The following SH2B3 variants were observed in gnomAD, a reference collection of about 807,000 sequenced individuals.
SH2B3 encodes the protein SH2B adaptor protein 3.
A neutral mutation model predicts 51.9 loss-of-function variants in SH2B3; 43 were observed. The observed-to-expected ratio is 0.83, with a 90% CI of 0.65 to 1.07. SH2B3 has a LOEUF of 1.07. Among genes scored for constraint, SH2B3 ranks in the 50% least tolerant of loss-of-function variants. The pLI, the probability that SH2B3 is intolerant of heterozygous loss-of-function variation, is 0.00. For synonymous variants in SH2B3, 396 were observed against 376.0 expected (o/e 1.05, Z -0.62); for missense variants, 952 against 834.3 (o/e 1.14, Z -1.74).
At chr12:111,434,347 C>G (rs1872690774) in intron 2 of SH2B3, among the ~76,000 whole-genome samples, 1 of 152,230 alleles carries the variant, frequency 6.6e-6, no homozygotes. Flanking sequence ...AACCACTGAT[C>G]TTTCTGTCCC....
At chr12:111,424,420 G>C (rs886068885) in intron 2 of SH2B3, among the ~76,000 whole-genome samples, 4 of 152,136 alleles carry the variant, frequency 2.6e-5, no homozygotes, top group Non-Finnish European at 5.9e-5. Context: ...ACTTCGGGCG[G>C]AGAGCCCAGG....
intron 2 of SH2B3, among the ~76,000 whole-genome samples, chr12:111,420,186 G>A (rs1871421332): frequency 6.6e-6 from 1 of 151,942 alleles, no homozygotes; most frequent in Admixed American, 6.6e-5. Flanking sequence ...TTTGTCCTTT[G>A]GCAAAACCCC....
chr12:111,445,333 GA>G (rs1873836935), intron 2 of SH2B3, among the ~76,000 whole-genome samples: 1 of 152,220 alleles, frequency 6.6e-6, no homozygotes, highest in Non-Finnish European at 1.5e-5. Flanking sequence ...TTGCAGACAG[GA>G]AATGAAGGCT....
At position 111,447,235 on chromosome 12, in the gene SH2B3, G is replaced by GCTAGGCCATTGTCTT; in HGVS notation, c.1021+19_1021+33dup. 1 of 1,604,522 alleles carries GCTAGGCCATTGTCTT rather than the reference G, an allele frequency of 6.2e-7. No individual in the cohort carries two copies. Among genetic ancestry groups the GCTAGGCCATTGTCTT allele is most frequent in the Non-Finnish European group, 8.5e-7 (1 of 1,171,296 alleles). ...CTTAACCAAGGTGGGTAAACCAATA[G>GCTAGGCCATTGTCTT]CTAGGCCATTGTCTTCTGGGTACGC... On this transcript the variant is annotated intron_variant, in intron 5 of 7. Coordinates refer to ENST00000341259, the MANE Select transcript of SH2B3 (RefSeq NM_005475.3).
intron 2 of SH2B3, chr12:111,434,978 C>T (rs946854025): frequency 1.3e-6 from 2 of 1,535,478 alleles, no homozygotes; most frequent in Non-Finnish European, 1.7e-6. Context: ...GCCCCTCCAC[C>T]CCAGAAGCCC....
rs1004665033 is a variant in SH2B3 at position 111,425,711 on chromosome 12, G to A, written c.732+6834G>A. On this transcript the variant is annotated intron_variant, in intron 2 of 7. Transcript: ENST00000341259. Reference sequence around the variant, plus strand: ...GCTGGGGCCACCTGCGGGTGGGAGTGGGTGCAAGGGACCCTCCAGGCTACC... The same window carrying A: ...GCTGGGGCCACCTGCGGGTGGGAGTAGGTGCAAGGGACCCTCCAGGCTACC... Among the ~76,000 whole-genome samples, 73 of 152,128 alleles carry A rather than the reference G, an allele frequency of 4.8e-4. 2 individuals are homozygous for A. The highest frequency in any genetic ancestry group is 3.7e-3 in the Admixed American group (56 of 15,284).
chr12:111,405,748 AGC>A (rs2135525866), upstream of SH2B3, among the ~76,000 whole-genome samples: 1 of 152,204 alleles, frequency 6.6e-6, no homozygotes, highest in Admixed American at 6.5e-5. This position sits in a 1 kb window ranked among gnomAD's most constrained non-coding sequence, Gnocchi z 5.4. Context: ...GCCGCGGACT[AGC>A]GGGATTGGTA....
At chr12:111,408,633 CG>C (rs1870431215) in intron 1 of SH2B3, among the ~76,000 whole-genome samples, 1 of 152,118 alleles carries the variant, frequency 6.6e-6, no homozygotes, top group South Asian at 2.1e-4. Flanking sequence ...GAGGGGAGAC[CG>C]GGTGCCCTCC....
In SH2B3 at chr12:111,448,277, T is replaced by G; in HGVS notation, c.1703T>G (p.Ile568Arg). 1.9e-6 allele frequency: 3 copies of G among 1,613,420 alleles called. No homozygotes were observed. Among genetic ancestry groups the G allele is most frequent in the Non-Finnish European group, 2.5e-6 (3 of 1,179,582 alleles). Residue 568 changes from isoleucine (I) to arginine (R), a missense_variant, in exon 8 of 8, where the codon ATA becomes AGA. Coordinates refer to ENST00000341259, the MANE Select transcript of SH2B3 (RefSeq NM_005475.3). Reference sequence around the variant, plus strand: ...TCCTCCCGGAGCCACCTGCGGGCCATAGACAATCAGTACACACCTCTCTGA... The same window carrying G: ...TCCTCCCGGAGCCACCTGCGGGCCAGAGACAATCAGTACACACCTCTCTGA... ...DSSSRSHLRA[I>R]DNQYTPL
In SH2B3 at chr12:111,438,929, C is replaced by G. The variant is rs1186495123; in HGVS notation, c.733-7824C>G. ...GAGGCCCAAGAGGCTGAGGAGGTAA[C>G]AAGGGTCTCTCAGATGAGGACCACA... On this transcript the variant is annotated intron_variant, in intron 2 of 7. Coordinates refer to ENST00000341259, the MANE Select transcript of SH2B3 (RefSeq NM_005475.3). The surrounding 1 kb of genome is among the most constrained non-coding windows in gnomAD (Gnocchi z 4.2). Among the ~76,000 whole-genome samples the G allele has an allele frequency of 1.3e-5, 2 of 152,154 alleles. No homozygotes were observed. The highest frequency in any genetic ancestry group is 4.8e-5 in the African/African-American group (2 of 41,426).
Position 111,449,327 on chromosome 12 carries a change from A to C in SH2B3, c.*1025A>C, listed in dbSNP as rs1231797719. The C allele has an allele frequency of 6.6e-6, 1 of 152,202 alleles. No homozygotes were observed. The highest frequency in any genetic ancestry group is 2.4e-5 in the African/African-American group (1 of 41,436). The allele number at this position is 152,202 out of a possible 1,614,324, so 9.4% of individuals were successfully genotyped here. A position where few individuals can be genotyped will look rare whatever the true frequency, so the allele number is the denominator to read the frequency against. On this transcript the variant is annotated 3_prime_UTR_variant, in exon 8 of 8. Coordinates refer to ENST00000341259, the MANE Select transcript of SH2B3 (RefSeq NM_005475.3). ...CAACAAGGCTGGCTTGGTGCCCTCC[A>C]AGCATCTAATGGCTTATTAAATTAT... is the stretch of plus-strand genomic sequence containing the variant.
In SH2B3 at chr12:111,450,466, G is replaced by A. The variant is rs1874476395; in HGVS notation, c.*2164G>A. On this transcript the variant is annotated 3_prime_UTR_variant, in exon 8 of 8. Transcript: ENST00000341259. ...CTGGTCCTCCCCTCCGCACAGGAAA[G>A]GTACCCAGTAGATAATGAACCAAAT... The A allele has an allele frequency of 6.6e-6, 1 of 152,192 alleles. No individual in the cohort carries two copies. Among genetic ancestry groups the A allele is most frequent in the Non-Finnish European group, 1.5e-5 (1 of 68,030 alleles). 9.4% of individuals were successfully genotyped at this position (152,192 alleles called of 1,614,324 possible).
intron 2 of SH2B3, among the ~76,000 whole-genome samples, chr12:111,427,025 G>A (rs1404713006): frequency 6.6e-6 from 1 of 152,094 alleles, no homozygotes; most frequent in Non-Finnish European, 1.5e-5. Flanking sequence ...AAATTGCACT[G>A]GTTGCCACAT....
chr12:111,418,292 C>G lies in SH2B3; in HGVS notation c.147C>G (p.Ala49=). 6.5e-7 allele frequency: 1 copy of G among 1,535,548 alleles called. No homozygotes were observed. The highest frequency in any genetic ancestry group is 8.7e-7 in the Non-Finnish European group (1 of 1,147,486). ...TGGCCCGCCAGTACTGGCTGTTCGCCCGGGAGCATCCGCAGCACGCGCCGC... is the reference window on the plus strand; with the variant it reads ...TGGCCCGCCAGTACTGGCTGTTCGCGCGGGAGCATCCGCAGCACGCGCCGC... ...RELARQYWLF[A]REHPQHAPLR... The change falls in exon 2 of 8, where the codon GCC becomes GCG. Residue 49 remains alanine, a synonymous_variant. Transcript: ENST00000341259. This position sits in a 1 kb window ranked among gnomAD's most constrained non-coding sequence, Gnocchi z 6.7.
chr12:111,444,624 G>A, intron 2 of SH2B3: 1 of 433,044 alleles, frequency 2.3e-6, no homozygotes, highest in Non-Finnish European at 3.1e-6. Flanking sequence ...TGAGAGGAGG[G>A]AACCTAAAGC....
rs1214100477 is a variant in SH2B3, at chr12:111,407,833, G to C, written c.-28+1556G>C. Reference sequence around the variant, plus strand: ...GCTCAGCAGGAAGTGGAGGAGGATAGTGAGGAGGGTCCTGGAGACTGTGCT... The same window carrying C: ...GCTCAGCAGGAAGTGGAGGAGGATACTGAGGAGGGTCCTGGAGACTGTGCT... On this transcript the variant is annotated intron_variant, in intron 1 of 7. Coordinates refer to ENST00000341259, the MANE Select transcript of SH2B3 (RefSeq NM_005475.3). This position sits in a 1 kb window ranked among gnomAD's most constrained non-coding sequence, Gnocchi z 4.3. Among the ~76,000 whole-genome samples, 1 of 152,202 alleles carries C rather than the reference G, an allele frequency of 6.6e-6. No homozygotes were observed. Among genetic ancestry groups the C allele is most frequent in the African/African-American group, 2.4e-5 (1 of 41,448 alleles).
Position 111,440,724 on chromosome 12 carries a change from C to T in SH2B3, c.733-6029C>T, listed in dbSNP as rs960729161. On this transcript the variant is annotated intron_variant, in intron 2 of 7. Coordinates refer to ENST00000341259, the MANE Select transcript of SH2B3 (RefSeq NM_005475.3). ...GAATATTCAGCAAACGCTACTGCTCCTTTCTCTGTGCTGGGCCAAGACCGA... is the reference window on the plus strand; with the variant it reads ...GAATATTCAGCAAACGCTACTGCTCTTTTCTCTGTGCTGGGCCAAGACCGA... Among the ~76,000 whole-genome samples, 6 of 152,348 alleles carry T rather than the reference C, an allele frequency of 3.9e-5. No individual in the cohort carries two copies. In the South Asian group the frequency reaches 1.2e-3, roughly 32 times the overall value.
intron 2 of SH2B3, among the ~76,000 whole-genome samples, chr12:111,430,509 ATT>A (rs922983136): frequency 6.6e-6 from 1 of 151,704 alleles, no homozygotes; most frequent in African/African-American, 2.4e-5. Context: ...TTGGTGTGGT[ATT>A]TTTTTGTTTT....
intron 1 of SH2B3, among the ~76,000 whole-genome samples, chr12:111,414,184 G>A (rs897156700): frequency 2.6e-5 from 4 of 152,238 alleles, no homozygotes; most frequent in Non-Finnish European, 5.9e-5. Flanking sequence ...GGTGGCCAAG[G>A]GCAGATGTGG....
Sources: gnomAD v4.1 joint callset for allele counts (sites outside exome capture counted in the v4.1 genomes callset) on GRCh38, gnomAD v4.1.1 for gene constraint, Gnocchi (gnomAD v3.1) non-coding constraint, MANE v1.5 for transcripts, NCBI Gene and HGNC (gene_info 2026-07-23, HGNC 2026-07-21) for gene names.